The following POLR3D variants were observed in gnomAD, a reference collection of about 807,000 sequenced individuals.
POLR3D encodes DNA-directed RNA polymerase III subunit RPC4.
A neutral mutation model predicts 44.5 loss-of-function variants in POLR3D; 42 were observed. The observed-to-expected ratio is 0.94, with a 90% CI of 0.74 to 1.22. The LOEUF (loss-of-function observed/expected upper bound fraction) is 1.22, where lower values mean the gene tolerates loss of function less well. Ranked by LOEUF, POLR3D falls within the 50% of genes most tolerant of loss-of-function variation. The pLI is 0.00. For missense variants in POLR3D, 507 were observed against 505.2 expected (o/e 1.00, Z -0.03); for synonymous variants, 217 against 198.1 (o/e 1.10, Z -0.80).
In POLR3D at chr8:22,249,253, A is replaced by G; in HGVS notation, c.865A>G (p.Thr289Ala). Reference protein sequence around the residue: ...PPTQDIKPIKTEVQGEDGQVV... With the variant: ...PPTQDIKPIKAEVQGEDGQVV... ...CACCCAGGACATCAAGCCTATCAAG[A>G]CAGAGGTGCAGGGCGAGGACGGACA... The change falls in exon 7 of 9, where the codon ACA becomes GCA. Residue 289 changes from threonine (T) to alanine (A), a missense_variant. By Grantham distance (58) the Thr-to-Ala change is moderately conservative. Coordinates refer to ENST00000306433, the MANE Select transcript of POLR3D (RefSeq NM_001722.3). The G allele has an allele frequency of 6.2e-7, 1 of 1,614,044 alleles. No homozygotes were observed. Among genetic ancestry groups the G allele is most frequent in the Non-Finnish European group, 8.5e-7 (1 of 1,180,002 alleles).
Position 22,247,393 on chromosome 8 carries a change from T to C in POLR3D, c.209+129T>C, listed in dbSNP as rs1047397349. The C allele has an allele frequency of 1.8e-5, 12 of 654,890 alleles. No individual in the cohort carries two copies. The African/African-American group carries it at 2.2e-4, about 12-fold the overall frequency. 40.6% of individuals were successfully genotyped at this position (654,890 alleles called of 1,614,324 possible). A position where few individuals can be genotyped will look rare whatever the true frequency, so the allele number is the denominator to read the frequency against. On this transcript the variant is annotated intron_variant, in intron 3 of 8. Coordinates refer to ENST00000306433, the MANE Select transcript of POLR3D (RefSeq NM_001722.3). ...ATCTTTAGTTCTTTTCACTAGTGAT[T>C]TTCAACCCTGGCTCCTAGGTGATTC...
Position 22,253,811 on chromosome 8 carries a change from G to C in POLR3D, c.*3293G>C, listed in dbSNP as rs1464797945. On this transcript the variant is annotated 3_prime_UTR_variant, in exon 9 of 9. Coordinates refer to ENST00000306433, the MANE Select transcript of POLR3D (RefSeq NM_001722.3). Reference sequence around the variant, plus strand: ...CCGCCTCAGCCCCCCAGATAGCTGGGATTACAGGCACATGCCACCACACCT... The same window carrying C: ...CCGCCTCAGCCCCCCAGATAGCTGGCATTACAGGCACATGCCACCACACCT... The C allele has an allele frequency of 6.6e-6, 1 of 152,198 alleles. No homozygotes were observed. The highest frequency in any genetic ancestry group is 6.5e-5 in the Admixed American group (1 of 15,280). 9.4% of individuals were successfully genotyped at this position (152,198 alleles called of 1,614,324 possible).
At chr8:22,247,496 C>T (rs1830055575) in intron 3 of POLR3D, among the ~76,000 whole-genome samples, 1 of 152,138 alleles carries the variant, frequency 6.6e-6, no homozygotes, top group Non-Finnish European at 1.5e-5. Context: ...TGTGATTTAA[C>T]TTGCTGGCAG....
At chr8:22,248,128 C>G (rs1177729202) in intron 4 of POLR3D, 26 bp from the exon 5 acceptor site, 4 of 1,613,504 alleles carry the variant, frequency 2.5e-6, no homozygotes, top group Non-Finnish European at 3.4e-6. Flanking sequence ...TTATCGATCC[C>G]TAGTGACCTG....
intron 2 of POLR3D, 151 bp from the exon 3 acceptor site, chr8:22,247,070 T>C (rs1282616980): frequency 3.4e-6 from 2 of 590,488 alleles, no homozygotes; most frequent in Non-Finnish European, 6.1e-6. Flanking sequence ...CAGGCACATG[T>C]GTATCTATAA....
chr8:22,249,396 C>T (rs1425172106), intron 7 of POLR3D, 87 bp downstream of exon 7: 4 of 1,451,794 alleles, frequency 2.8e-6, no homozygotes, highest in Non-Finnish European at 3.8e-6. Flanking sequence ...GCCGTGTCAC[C>T]CTGGCTGAAA....
Position 22,253,681 on chromosome 8 carries a change from T to C in POLR3D, c.*3163T>C, listed in dbSNP as rs1428228035. The C allele has an allele frequency of 6.6e-6, 1 of 152,168 alleles. No individual in the cohort carries two copies. The highest frequency in any genetic ancestry group is 1.5e-5 in the Non-Finnish European group (1 of 68,032). 9.4% of individuals were successfully genotyped at this position (152,168 alleles called of 1,614,324 possible). A position where few individuals can be genotyped will look rare whatever the true frequency, so the allele number is the denominator to read the frequency against. ...ACATGAGCATGTTAGTTTTGTTTTGTTTTGTTTTGTTCTGTTTTGTTTTTT... is the reference window on the plus strand; with the variant it reads ...ACATGAGCATGTTAGTTTTGTTTTGCTTTGTTTTGTTCTGTTTTGTTTTTT... On this transcript the variant is annotated 3_prime_UTR_variant, in exon 9 of 9. Coordinates refer to ENST00000306433, the MANE Select transcript of POLR3D (RefSeq NM_001722.3).
Position 22,248,350 on chromosome 8 carries a change from G to C in POLR3D, c.486+72G>C. On this transcript the variant is annotated intron_variant, in intron 5 of 8. Transcript: ENST00000306433. ...ACAGGGCTTCTGGGGAGCCAGGTGA[G>C]GGGTAGAAGAGCTTACTGATGTCCT... is the stretch of plus-strand genomic sequence containing the variant. 2.5e-6 allele frequency: 4 copies of C among 1,586,156 alleles called. No individual in the cohort carries two copies. The South Asian group carries it at 3.5e-5, about 14-fold the overall frequency.
In POLR3D at chr8:22,250,427, G is replaced by C; in HGVS notation, c.1106G>C (p.Arg369Thr). Residue 369 changes from arginine (R) to threonine (T), a missense_variant, in exon 9 of 9, where the codon AGG becomes ACG. Coordinates refer to ENST00000306433, the MANE Select transcript of POLR3D (RefSeq NM_001722.3). ...ELVSVGLGDS[R>T]TGEMTVLGHV... ...GTGTCCGTGGGCCTTGGAGACAGTAGGACAGGGGAGATGACAGTCCTGGGA... is the reference window on the plus strand; with the variant it reads ...GTGTCCGTGGGCCTTGGAGACAGTACGACAGGGGAGATGACAGTCCTGGGA... 5.0e-6 allele frequency: 8 copies of C among 1,614,224 alleles called. No homozygotes were observed. Among genetic ancestry groups the C allele is most frequent in the Non-Finnish European group, 5.1e-6 (6 of 1,180,032 alleles).
At position 22,248,491 on chromosome 8, in the gene POLR3D, AC is replaced by A. The variant is rs773474360; in HGVS notation, c.501del (p.Gly168AlafsTer2). ...GACTCTCTTTGGCAGTTCCTCGATG[AC>A]CCCGGCCTGAGGAACGACACTCGAA... ...RMLEKDDFLD[D>X]PGLRNDTRNM... On this transcript the variant is annotated frameshift_variant, in exon 6 of 9. Coordinates refer to ENST00000306433, the MANE Select transcript of POLR3D (RefSeq NM_001722.3). LOFTEE classifies it high-confidence loss of function. 3 of 1,613,824 alleles carry A rather than the reference AC, an allele frequency of 1.9e-6. No individual in the cohort carries two copies. Among genetic ancestry groups the A allele is most frequent in the Non-Finnish European group, 2.5e-6 (3 of 1,179,944 alleles).
rs1010880487 is a variant in POLR3D, at chr8:22,253,262, A to C, written c.*2744A>C. ...TCTGCAAATGATGGTGTCCACAGCC[A>C]GAGTGGACAGTAGTACAGGAGCCTT... On this transcript the variant is annotated 3_prime_UTR_variant, in exon 9 of 9. Coordinates refer to ENST00000306433, the MANE Select transcript of POLR3D (RefSeq NM_001722.3). 9 of 152,236 alleles carry C rather than the reference A, an allele frequency of 5.9e-5. No individual in the cohort carries two copies. Among genetic ancestry groups the C allele is most frequent in the Admixed American group, 3.9e-4 (6 of 15,284 alleles). The allele number at this position is 152,236 out of a possible 1,614,324, so 9.4% of individuals were successfully genotyped here.
In POLR3D at chr8:22,250,781, C is replaced by T. The variant is rs559956935; in HGVS notation, c.*263C>T. 4.2e-5 allele frequency: 19 copies of T among 457,488 alleles called. No homozygotes were observed. Among genetic ancestry groups the T allele is most frequent in the African/African-American group, 3.6e-4 (18 of 50,642 alleles). The allele number at this position is 457,488 out of a possible 1,614,324, so 28.3% of individuals were successfully genotyped here. A position where few individuals can be genotyped will look rare whatever the true frequency, so the allele number is the denominator to read the frequency against. On this transcript the variant is annotated 3_prime_UTR_variant, in exon 9 of 9. Coordinates refer to ENST00000306433, the MANE Select transcript of POLR3D (RefSeq NM_001722.3). ...TATTTTTGTATTTATGTCTTAATCT[C>T]TTCCACTGATGCATCCTCCAAGGGT...
intron 2 of POLR3D, among the ~76,000 whole-genome samples, chr8:22,245,904 C>G (rs1830035691): frequency 6.6e-6 from 1 of 152,184 alleles, no homozygotes; most frequent in South Asian, 2.1e-4. Flanking sequence ...GTTTGGACAT[C>G]TTTAAGAAAC....
At chr8:22,247,083 CTG>C in intron 2 of POLR3D, 136 bp from the exon 3 acceptor site, 2 of 628,852 alleles carry the variant, frequency 3.2e-6, no homozygotes, top group Non-Finnish European at 5.7e-6. Context: ...ATCTATAAAA[CTG>C]ACAGCACTGT....
At chr8:22,245,256 G>T in intron 1 of POLR3D, 73 bp downstream of exon 1, 1 of 544,428 alleles carries the variant, frequency 1.8e-6, no homozygotes, top group Non-Finnish European at 3.3e-6. Context: ...GGGGTTCCTG[G>T]AGAGGGCGTG....
At chr8:22,246,736 G>A (rs1830047817) in intron 2 of POLR3D, among the ~76,000 whole-genome samples, 1 of 152,158 alleles carries the variant, frequency 6.6e-6, no homozygotes, top group Non-Finnish European at 1.5e-5. Flanking sequence ...GAGCCACAAC[G>A]CCCAGCCATA....
rs1486936739 is a variant in POLR3D, at chr8:22,245,597, C to T, written c.148C>T (p.Leu50Phe). Reference sequence around the variant, plus strand: ...CTCCATCCGTTCCAGGGACCTCACCCTCGGGGGAGTCAAGAAGGTACCCAA... The same window carrying T: ...CTCCATCCGTTCCAGGGACCTCACCTTCGGGGGAGTCAAGAAGGTACCCAA... ...LPSIRSRDLT[L>F]GGVKKKTFTP... Residue 50 changes from leucine to phenylalanine, a missense_variant, in exon 2 of 9, where the codon CTC (leucine) becomes TTC (phenylalanine). Transcript: ENST00000306433. The T allele has an allele frequency of 2.4e-6, 3 of 1,258,078 alleles. No individual in the cohort carries two copies. The highest frequency in any genetic ancestry group is 2.0e-6 in the Non-Finnish European group (2 of 993,214). 77.9% of individuals were successfully genotyped at this position (1,258,078 alleles called of 1,614,324 possible).
chr8:22,247,796 A>C, intron 3 of POLR3D, 61 bp from the exon 4 acceptor site: 4 of 1,531,230 alleles, frequency 2.6e-6, no homozygotes, highest in Non-Finnish European at 3.6e-6. Flanking sequence ...ATGGGAGAGT[A>C]AGGCCAGATT....
chr8:22,250,022 A>G (rs1830087034), intron 7 of POLR3D, 53 bp from the exon 8 acceptor site: 1 of 1,601,972 alleles, frequency 6.2e-7, no homozygotes, highest in Non-Finnish European at 8.5e-7. Context: ...GGTTCATGAA[A>G]GATGGAGGAA....
Sources: allele counts gnomAD v4.1 joint callset (sites outside exome capture counted in the v4.1 genomes callset), GRCh38; gene constraint gnomAD v4.1.1; transcripts MANE v1.5; gene names NCBI Gene and HGNC (gene_info 2026-07-23, HGNC 2026-07-21).